CADM2: variants seen among roughly 807,000 people sequenced by gnomAD.
CADM2 encodes the protein cell adhesion molecule 2, also known as immunoglobulin superfamily member 4D.
A neutral mutation model predicts 49.8 loss-of-function variants in CADM2; 12 were observed. The observed-to-expected ratio is 0.24, with a 90% confidence interval of 0.15 to 0.39. The LOEUF is 0.39. Ranked by LOEUF, CADM2 falls within the 10% of genes least tolerant of loss-of-function variation. The pLI, the probability that CADM2 is intolerant of heterozygous loss-of-function variation, is 1.00. For synonymous variants in CADM2, 214 were observed against 175.4 expected (o/e 1.22, Z -1.74); for missense variants, 378 against 492.3 (o/e 0.77, Z 2.20).
chr3:85,855,922 G>A (rs769034662), intron 3 of CADM2, among the ~76,000 whole-genome samples: 3 of 151,992 alleles, frequency 2.0e-5, no homozygotes, highest in South Asian at 2.1e-4. Context: ...CACCATGCCC[G>A]GCCAAAAAAT....
intron 1 of CADM2, among the ~76,000 whole-genome samples, chr3:85,337,044 A>AAAT (rs1559786701): frequency 3.0e-5 from 4 of 135,482 alleles, no homozygotes; most frequent in East Asian, 4.4e-4. Context: ...TATATATATA[A>AAAT]ATATATATAT....
At chr3:85,911,705 C>T (rs1717614835) in intron 5 of CADM2, among the ~76,000 whole-genome samples, 1 of 152,084 alleles carries the variant, frequency 6.6e-6, no homozygotes, top group Non-Finnish European at 1.5e-5. Flanking sequence ...CCTAACTGTG[C>T]TTGTGGCTCA....
chr3:85,620,218 A>G (rs932518044), intron 1 of CADM2, among the ~76,000 whole-genome samples: 7 of 152,140 alleles, frequency 4.6e-5, no homozygotes, highest in African/African-American at 1.4e-4. Context: ...TTTGTCATTT[A>G]CTGTTTAAAA....
At chr3:86,026,225 C>T (rs1733884514) in intron 8 of CADM2, among the ~76,000 whole-genome samples, 1 of 152,026 alleles carries the variant, frequency 6.6e-6, no homozygotes, top group African/African-American at 2.4e-5. Context: ...TATTTTGTTA[C>T]ATTTAACTGT....
chr3:85,168,023 C>A (rs1225974976), intron 1 of CADM2, among the ~76,000 whole-genome samples: 3 of 152,074 alleles, frequency 2.0e-5, no homozygotes, highest in Non-Finnish European at 4.4e-5. Flanking sequence ...CCTATTATTA[C>A]ATAGAAAGTG....
intron 2 of CADM2, among the ~76,000 whole-genome samples, chr3:85,758,671 G>A (rs1406570522): frequency 6.6e-6 from 1 of 152,076 alleles, no homozygotes; most frequent in Non-Finnish European, 1.5e-5. Context: ...TAAACTTAAA[G>A]ACAAATATTA....
intron 8 of CADM2, among the ~76,000 whole-genome samples, chr3:86,041,969 T>G (rs1302444603): frequency 4.6e-5 from 7 of 152,164 alleles, no homozygotes; most frequent in African/African-American, 1.7e-4. Flanking sequence ...AACCTGCTCC[T>G]GAATGACTAC....
At chr3:85,983,813 ATC>A (rs1392263900) in intron 8 of CADM2, among the ~76,000 whole-genome samples, 4 of 151,370 alleles carry the variant, frequency 2.6e-5, no homozygotes, top group African/African-American at 4.8e-5. Flanking sequence ...CTATCTATCT[ATC>A]TATCTTTCAT....
At chr3:85,904,808 CTTTATG>C (rs753816602) in intron 5 of CADM2, among the ~76,000 whole-genome samples, 2 of 152,048 alleles carry the variant, frequency 1.3e-5, no homozygotes, top group Non-Finnish European at 2.9e-5. Flanking sequence ...ATATTCCTTG[CTTTATG>C]TTTATGTATC....
chr3:85,098,319 G>A (rs2037881122), intron 1 of CADM2, among the ~76,000 whole-genome samples: 1 of 150,158 alleles, frequency 6.7e-6, no homozygotes, highest in South Asian at 2.1e-4. Flanking sequence ...AAGGTACACA[G>A]TTTAAACAGT....
chr3:85,079,014 G>C (rs953965804), intron 1 of CADM2, among the ~76,000 whole-genome samples: 2 of 151,720 alleles, frequency 1.3e-5, no homozygotes, highest in Non-Finnish European at 3.0e-5. Context: ...TTTTTATTTA[G>C]TGGTTATATT....
chr3:84,982,729 A>G lies in CADM2; in HGVS notation c.61+23061A>G, dbSNP rs1344178405. On this transcript the variant is annotated intron_variant, in intron 1 of 9. Coordinates refer to ENST00000383699, the MANE Select transcript of CADM2 (RefSeq NM_001167675.2). ...TATATATATATATATATATATATAT[A>G]TATATACATTTTTTGTTTTTTTAAT... Among the ~76,000 whole-genome samples, 5 of 112,922 alleles carry G rather than the reference A, an allele frequency of 4.4e-5. No homozygotes were observed. The South Asian group carries it at 1.1e-3, about 25-fold the overall frequency. The allele number at this position is 112,922 out of a possible 152,430, so 74.1% of individuals were successfully genotyped here. A position where few individuals can be genotyped will look rare whatever the true frequency, so the allele number is the denominator to read the frequency against.
At chr3:86,065,794 AATATGATATCAGTGC>A (rs1387517368) in intron 9 of CADM2, 64 bp downstream of exon 9, 2 of 1,539,012 alleles carry the variant, frequency 1.3e-6, no homozygotes, top group Non-Finnish European at 1.8e-6. Context: ...TTCATTATAA[AATATGATATCAGTGC>A]ATATATGTTT....
chr3:84,963,104 C>G (rs2030693708), intron 1 of CADM2, among the ~76,000 whole-genome samples: 1 of 152,050 alleles, frequency 6.6e-6, no homozygotes, highest in Non-Finnish European at 1.5e-5. Context: ...TTTGTTTGGC[C>G]AAAGTATAAC....
At chr3:85,038,142 T>C (rs2035295902) in intron 1 of CADM2, among the ~76,000 whole-genome samples, 1 of 152,144 alleles carries the variant, frequency 6.6e-6, no homozygotes, top group South Asian at 2.1e-4. Flanking sequence ...CTCTAAATTT[T>C]TGAAAATTCA....
At chr3:85,905,966 G>T (rs1461881134) in intron 5 of CADM2, among the ~76,000 whole-genome samples, 1 of 152,050 alleles carries the variant, frequency 6.6e-6, no homozygotes, top group Non-Finnish European at 1.5e-5. Flanking sequence ...TGCTTTTTCT[G>T]ACATGTGCTG....
At chr3:85,659,325 C>T (rs770464518) in intron 1 of CADM2, among the ~76,000 whole-genome samples, 10 of 151,754 alleles carry the variant, frequency 6.6e-5, no homozygotes, top group Non-Finnish European at 1.3e-4. Context: ...ATTTTTGCTG[C>T]CTGATACATT....
intron 2 of CADM2, among the ~76,000 whole-genome samples, chr3:85,801,731 C>G (rs190880180): frequency 2.6e-5 from 4 of 152,104 alleles, no homozygotes; most frequent in Admixed American, 2.6e-4. Context: ...AGTTTAGTAC[C>G]GTATTAACTA....
chr3:85,144,665 C>T (rs1310374019), intron 1 of CADM2, among the ~76,000 whole-genome samples: 2 of 150,240 alleles, frequency 1.3e-5, no homozygotes, highest in African/African-American at 5.0e-5. Context: ...GTCAGATACT[C>T]AATGCATGGA....
Sources: gnomAD v4.1 joint callset for allele counts (sites outside exome capture counted in the v4.1 genomes callset) on GRCh38, gnomAD v4.1.1 for gene constraint, MANE v1.5 for transcripts, NCBI Gene and HGNC (gene_info 2026-07-23, HGNC 2026-07-21) for gene names.